LRRC4C: variants seen among roughly 807,000 people sequenced by gnomAD.
LRRC4C encodes leucine-rich repeat-containing protein 4C.
Under a neutral mutation model 33.6 loss-of-function variants are expected in LRRC4C, and 5 were observed. That is an observed-to-expected ratio of 0.15 (90% confidence interval 0.08 to 0.31). The LOEUF (loss-of-function observed/expected upper bound fraction) is 0.31. LRRC4C is among the 10% of genes least tolerant of loss of function. LRRC4C has a pLI of 1.00. For synonymous variants in LRRC4C, 329 were observed against 302.0 expected (o/e 1.09, Z -0.93); for missense variants, 560 against 796.7 (o/e 0.70, Z 3.58).
At chr11:41,169,785 G>C (rs1452817530) in intron 1 of LRRC4C, among the ~76,000 whole-genome samples, 1 of 152,108 alleles carries the variant, frequency 6.6e-6, no homozygotes, top group African/African-American at 2.4e-5. Context: ...TGTGATAAAA[G>C]CAAGTAAATG....
At chr11:40,563,107 C>T (rs989237243) in intron 3 of LRRC4C, among the ~76,000 whole-genome samples, 2 of 151,974 alleles carry the variant, frequency 1.3e-5, no homozygotes, top group Non-Finnish European at 2.9e-5. Flanking sequence ...TTGGAGGACC[C>T]AAAAATGACA....
chr11:40,938,256 C>T (rs1333620453), intron 1 of LRRC4C, among the ~76,000 whole-genome samples: 1 of 152,088 alleles, frequency 6.6e-6, no homozygotes, highest in Non-Finnish European at 1.5e-5. Flanking sequence ...ACGTAATCTC[C>T]CTCTGACCTT....
At chr11:40,993,373 C>T (rs984040180) in intron 1 of LRRC4C, among the ~76,000 whole-genome samples, 2 of 152,068 alleles carry the variant, frequency 1.3e-5, no homozygotes, top group African/African-American at 4.8e-5. Context: ...CTGGCCCACA[C>T]ATAATATAGA....
At chr11:40,835,480 T>C (rs931356032) in intron 2 of LRRC4C, among the ~76,000 whole-genome samples, 2 of 152,192 alleles carry the variant, frequency 1.3e-5, no homozygotes, top group Admixed American at 6.6e-5. Context: ...TCTGAATGTA[T>C]GTATTTTTTA....
At position 40,553,115 on chromosome 11, in the gene LRRC4C, A is replaced by G. The variant is rs557786684; in HGVS notation, c.-270+95027T>C. ...GCAAAACCCTGTCTCTACTAAAAAT[A>G]CAAAAAATTAGCCCGGCGTAGTGAC... On this transcript the variant is annotated intron_variant, in intron 3 of 6. Coordinates refer to ENST00000528697, the MANE Select transcript of LRRC4C (RefSeq NM_001258419.2). Among the ~76,000 whole-genome samples, 11 of 152,182 alleles carry G rather than the reference A, an allele frequency of 7.2e-5. 1 individual carries two copies. In the South Asian group the frequency reaches 2.3e-3, roughly 32 times the overall value.
chr11:41,220,447 G>A (rs1282040693), intron 1 of LRRC4C, among the ~76,000 whole-genome samples: 1 of 150,818 alleles, frequency 6.6e-6, no homozygotes, highest in Non-Finnish European at 1.5e-5. Flanking sequence ...TTTGGCGGGG[G>A]GGTGTTATCC....
chr11:40,560,444 G>T (rs9795035), intron 3 of LRRC4C, among the ~76,000 whole-genome samples: 5 of 56,758 alleles, frequency 8.8e-5, no homozygotes, highest in Admixed American at 2.8e-4. Context: ...GCCTGTGTTT[G>T]TGTGTGTGTG....
At chr11:41,182,608 G>A (rs1007985728) in intron 1 of LRRC4C, among the ~76,000 whole-genome samples, 1 of 151,958 alleles carries the variant, frequency 6.6e-6, no homozygotes. Context: ...TGTATGCTAG[G>A]ATCTCTAAAA....
chr11:40,131,360 A>G (rs1008901115), intron 6 of LRRC4C, among the ~76,000 whole-genome samples: 13 of 152,224 alleles, frequency 8.5e-5, no homozygotes, highest in Non-Finnish European at 1.9e-4. Flanking sequence ...ATTGTGAAGA[A>G]GTAAATTACC....
At chr11:40,172,213 GA>G (rs1464061095) in intron 5 of LRRC4C, among the ~76,000 whole-genome samples, 5 of 152,182 alleles carry the variant, frequency 3.3e-5, no homozygotes, top group African/African-American at 1.2e-4. Context: ...AGAACTGTGA[GA>G]ACATTCTGTT....
intron 1 of LRRC4C, among the ~76,000 whole-genome samples, chr11:41,445,390 G>A (rs1955788849): frequency 6.6e-6 from 1 of 152,154 alleles, no homozygotes; most frequent in South Asian, 2.1e-4. Context: ...AGGACATTCT[G>A]AGGCAACCTG....
chr11:41,084,248 G>A (rs1939791280), intron 1 of LRRC4C, among the ~76,000 whole-genome samples: 1 of 152,106 alleles, frequency 6.6e-6, no homozygotes, highest in Admixed American at 6.5e-5. Flanking sequence ...AGGAACTTTG[G>A]AGTAAGAGAG....
intron 1 of LRRC4C, among the ~76,000 whole-genome samples, chr11:41,130,350 A>T (rs1290160506): frequency 6.6e-6 from 1 of 151,918 alleles, no homozygotes; most frequent in African/African-American, 2.4e-5. Flanking sequence ...AAAAATCTTC[A>T]CTATTCTTCT....
chr11:40,977,457 T>C (rs1458119987), intron 1 of LRRC4C, among the ~76,000 whole-genome samples: 1 of 152,162 alleles, frequency 6.6e-6, no homozygotes, highest in Non-Finnish European at 1.5e-5. Flanking sequence ...AAAGAATTTC[T>C]ACATAATTTA....
At chr11:40,929,130 T>C (rs769667193) in intron 2 of LRRC4C, among the ~76,000 whole-genome samples, 16 of 152,198 alleles carry the variant, frequency 1.1e-4, no homozygotes, top group Non-Finnish European at 2.1e-4. Flanking sequence ...TATTAGACAC[T>C]TCCTCTTTAA....
At chr11:41,247,586 G>T (rs1234995501) in intron 1 of LRRC4C, among the ~76,000 whole-genome samples, 2 of 152,286 alleles carry the variant, frequency 1.3e-5, no homozygotes, top group African/African-American at 4.8e-5. Flanking sequence ...TATCTTAATT[G>T]TCTCAGAAGT....
intron 4 of LRRC4C, among the ~76,000 whole-genome samples, chr11:40,267,824 G>T (rs1227972428): frequency 6.6e-6 from 1 of 152,178 alleles, no homozygotes; most frequent in East Asian, 1.9e-4. Flanking sequence ...AATACAGAAT[G>T]AAGTTTAATG....
At chr11:40,150,487 C>G (rs1858104252) in intron 5 of LRRC4C, among the ~76,000 whole-genome samples, 2 of 152,252 alleles carry the variant, frequency 1.3e-5, no homozygotes, top group Non-Finnish European at 2.9e-5. Context: ...CATGGTCTTG[C>G]TCTGTTGCCC....
At chr11:41,458,960 T>C (rs1956253402) in intron 1 of LRRC4C, among the ~76,000 whole-genome samples, 1 of 151,812 alleles carries the variant, frequency 6.6e-6, no homozygotes, top group Non-Finnish European at 1.5e-5. Flanking sequence ...AAGAAAAAAA[T>C]AGAGCTATGG....
Sources: gnomAD v4.1 joint callset for allele counts (sites outside exome capture counted in the v4.1 genomes callset) on GRCh38, gnomAD v4.1.1 for gene constraint, MANE v1.5 for transcripts, NCBI Gene and HGNC (gene_info 2026-07-23, HGNC 2026-07-21) for gene names.